WASF3: variants seen among roughly 807,000 people sequenced by gnomAD.
WASF3 encodes actin-binding protein WASF3.
WASF3 carries 11 observed loss-of-function variants against 46.6 expected under a neutral mutation model. The ratio of observed to expected loss-of-function variants is 0.24; its 90% CI spans 0.15 to 0.39. The LOEUF is 0.39. Among genes scored for constraint, WASF3 ranks in the 10% least tolerant of loss-of-function variants. The probability of loss-of-function intolerance (pLI) is 1.00; values close to 1 mark genes in which losing one functional copy is unlikely to be tolerated. For missense variants in WASF3, 576 were observed against 669.8 expected (o/e 0.86, Z 1.55); for synonymous variants, 242 against 259.7 (o/e 0.93, Z 0.65).
At chr13:26,598,485 G>A (rs754345782) in intron 1 of WASF3, among the ~76,000 whole-genome samples, 21 of 152,120 alleles carry the variant, frequency 1.4e-4, no homozygotes, top group Non-Finnish European at 2.8e-4. Context: ...TTGTTTGCTG[G>A]ACATTAAGAA....
At chr13:26,600,553 C>T (rs1362361094) in intron 1 of WASF3, among the ~76,000 whole-genome samples, 1 of 152,120 alleles carries the variant, frequency 6.6e-6, no homozygotes, top group Non-Finnish European at 1.5e-5. Context: ...AGAGACAATC[C>T]TGGTTAGCTT....
intron 1 of WASF3, among the ~76,000 whole-genome samples, chr13:26,607,961 A>G (rs1880851981): frequency 6.6e-6 from 1 of 152,186 alleles, no homozygotes; most frequent in South Asian, 2.1e-4. Context: ...GGTAGTTACC[A>G]CAAGTGATTC....
the WASF3 span, among the ~76,000 whole-genome samples, chr13:26,544,828 C>G: frequency 6.6e-6 from 1 of 152,302 alleles, no homozygotes; most frequent in East Asian, 1.9e-4. Flanking sequence ...CTGGCGGTTC[C>G]CACCATACTG....
intron 1 of WASF3, among the ~76,000 whole-genome samples, chr13:26,565,930 CA>C (rs962376649): frequency 1.1e-4 from 17 of 151,182 alleles, no homozygotes; most frequent in African/African-American, 2.9e-4. Flanking sequence ...TCCCACCCCT[CA>C]AAAAAAAATT....
At chr13:26,664,895 T>G in intron 3 of WASF3, 133 bp from the exon 4 acceptor site, 1 of 863,898 alleles carries the variant, frequency 1.2e-6, no homozygotes, top group South Asian at 1.7e-5. Flanking sequence ...GGCCTTGGAC[T>G]GTGACACTTT....
intron 1 of WASF3, among the ~76,000 whole-genome samples, chr13:26,596,404 A>G (rs1160077863): frequency 6.6e-6 from 1 of 151,648 alleles, no homozygotes; most frequent in African/African-American, 2.4e-5. Context: ...AGAATCTTGT[A>G]TGACAGTCAT....
intron 2 of WASF3, among the ~76,000 whole-genome samples, chr13:26,637,043 C>G (rs1392411789): frequency 6.6e-6 from 1 of 152,220 alleles, no homozygotes; most frequent in Non-Finnish European, 1.5e-5. Flanking sequence ...CTCCTGTGTG[C>G]TGGCCACCCT....
chr13:26,588,380 A>G (rs1271915105), intron 1 of WASF3, among the ~76,000 whole-genome samples: 1 of 152,182 alleles, frequency 6.6e-6, no homozygotes, highest in African/African-American at 2.4e-5. Context: ...ACATGACCAG[A>G]CCAAATCAGA....
At chr13:26,578,226 AAGC>A (rs1477616141) in intron 1 of WASF3, among the ~76,000 whole-genome samples, 1 of 152,188 alleles carries the variant, frequency 6.6e-6, no homozygotes, top group African/African-American at 2.4e-5. Context: ...TTCAGGGGGA[AAGC>A]ATTCAGTCCT....
chr13:26,649,966 G>A (rs542039193), intron 3 of WASF3, among the ~76,000 whole-genome samples: 3 of 152,210 alleles, frequency 2.0e-5, no homozygotes, highest in African/African-American at 4.8e-5. Flanking sequence ...AGCTACTCGG[G>A]GGGAGAGGCA....
At chr13:26,664,939 T>G (rs1882727245) in intron 3 of WASF3, 89 bp from the exon 4 acceptor site, 1 of 1,365,372 alleles carries the variant, frequency 7.3e-7, no homozygotes. Context: ...ATCCCACATG[T>G]TGACAGGAAT....
chr13:26,550,114 A>G, the WASF3 span, among the ~76,000 whole-genome samples: 1 of 152,250 alleles, frequency 6.6e-6, no homozygotes, highest in South Asian at 2.1e-4. Context: ...TTGTAATAAT[A>G]TGAAAACAAG....
chr13:26,619,022 A>G (rs1026706213), intron 2 of WASF3: 1 of 152,210 alleles, frequency 6.6e-6, no homozygotes, highest in African/African-American at 2.4e-5. Flanking sequence ...ATTGTTGCAC[A>G]TATTTTAAAT....
At chr13:26,678,688 T>C (rs1883137028) in intron 7 of WASF3, among the ~76,000 whole-genome samples, 2 of 152,302 alleles carry the variant, frequency 1.3e-5, no homozygotes, top group South Asian at 4.1e-4. Context: ...AGGAATGGCT[T>C]GTTCCTGAGA....
rs528456695 is a variant in WASF3 at position 26,566,370 on chromosome 13, A to AT, written c.-109+8551_-109+8552insT. 1.5e-3 allele frequency among the ~76,000 whole-genome samples: 235 copies of AT among 152,370 alleles called. 2 individuals are homozygous for AT. The highest frequency in any genetic ancestry group is 5.5e-3 in the African/African-American group (227 of 41,594). On this transcript the variant is annotated intron_variant, in intron 1 of 9. Coordinates refer to ENST00000335327, the MANE Select transcript of WASF3 (RefSeq NM_006646.6). ...TTAGCTTATAGGAAGTGCTCACAGTAATAAAGCTAAATATAAAGAATGAGA... is the reference window on the plus strand; with the variant it reads ...TTAGCTTATAGGAAGTGCTCACAGTATATAAAGCTAAATATAAAGAATGAGA...
chr13:26,551,257 T>C, the WASF3 span, among the ~76,000 whole-genome samples: 1 of 152,202 alleles, frequency 6.6e-6, no homozygotes, highest in Non-Finnish European at 1.5e-5. Context: ...TAAACCTCTC[T>C]TCTTCATGAA....
At chr13:26,660,796 A>C (rs1882607070) in intron 3 of WASF3, among the ~76,000 whole-genome samples, 1 of 152,178 alleles carries the variant, frequency 6.6e-6, no homozygotes. Context: ...GTTGCTGTAA[A>C]GGCTGGGTAA....
chr13:26,675,654 G>A (rs1883047944), intron 6 of WASF3, among the ~76,000 whole-genome samples: 1 of 151,450 alleles, frequency 6.6e-6, no homozygotes. Context: ...CCATGTCTGT[G>A]TGTGTGTGTG....
In WASF3 at chr13:26,597,971, G is replaced by A. The variant is rs549264034; in HGVS notation, c.-108-14990G>A. Reference sequence around the variant, plus strand: ...AGCAGCATGATTTATAATCCTTTGGGTATATACCCAGTAATGGGATTGCTG... The same window carrying A: ...AGCAGCATGATTTATAATCCTTTGGATATATACCCAGTAATGGGATTGCTG... On this transcript the variant is annotated intron_variant, in intron 1 of 9. Coordinates refer to ENST00000335327, the MANE Select transcript of WASF3 (RefSeq NM_006646.6). 8.2e-3 allele frequency among the ~76,000 whole-genome samples: 1,251 copies of A among 152,254 alleles called. 5 individuals are homozygous for A. The highest frequency in any genetic ancestry group is 0.013 in the Non-Finnish European group (888 of 68,014).
Sources: allele counts gnomAD v4.1 joint callset (sites outside exome capture counted in the v4.1 genomes callset), GRCh38; gene constraint gnomAD v4.1.1; transcripts MANE v1.5; gene names NCBI Gene and HGNC (gene_info 2026-07-23, HGNC 2026-07-21).